STK33: variants seen among roughly 807,000 people sequenced by gnomAD.
STK33 encodes the protein serine/threonine-protein kinase 33.
STK33 carries 52 observed loss-of-function variants against 58.0 expected under a neutral mutation model. That is an observed-to-expected ratio of 0.90 (90% CI 0.72 to 1.13). The LOEUF is 1.13. Ranked by LOEUF, STK33 falls within the 50% of genes most tolerant of loss-of-function variation. The pLI is 0.00. For synonymous variants in STK33, 215 were observed against 200.1 expected (o/e 1.07, Z -0.63); for missense variants, 630 against 604.2 (o/e 1.04, Z -0.45).
intron 6 of STK33, chr11:8,466,638 G>C (rs1948216525): frequency 6.6e-6 from 1 of 152,256 alleles, no homozygotes; most frequent in African/African-American, 2.4e-5. Flanking sequence ...GGTGCAAGCT[G>C]TCGGTGGATC....
chr11:8,506,480 G>A (rs917829061), intron 1 of STK33, among the ~76,000 whole-genome samples: 9 of 152,126 alleles, frequency 5.9e-5, no homozygotes, highest in Non-Finnish European at 5.9e-5. Context: ...TAAAATCAAG[G>A]TGTCAGCGGG....
intron 1 of STK33, among the ~76,000 whole-genome samples, chr11:8,552,795 C>T (rs1269432591): frequency 6.6e-6 from 1 of 151,958 alleles, no homozygotes; most frequent in Non-Finnish European, 1.5e-5. Context: ...GAAGGACCTG[C>T]CTGAGGCTGC....
chr11:8,523,657 G>T (rs958277076), intron 1 of STK33, among the ~76,000 whole-genome samples: 3 of 151,278 alleles, frequency 2.0e-5, no homozygotes, highest in African/African-American at 4.9e-5. Context: ...CAGTCCGGGA[G>T]GTGGGGGGCA....
chr11:8,525,276 T>C (rs1258421096), intron 1 of STK33, among the ~76,000 whole-genome samples: 1 of 152,136 alleles, frequency 6.6e-6, no homozygotes, highest in East Asian at 1.9e-4. Flanking sequence ...AAAATGTATA[T>C]GGTAATGCAA....
chr11:8,504,169 CAT>C (rs1436174185), intron 1 of STK33, among the ~76,000 whole-genome samples: 1 of 152,156 alleles, frequency 6.6e-6, no homozygotes, highest in East Asian at 1.9e-4. Flanking sequence ...TTTAGCCAGA[CAT>C]AAGCCTGTCA....
At chr11:8,428,158 C>A (rs1006604284) in intron 14 of STK33, among the ~76,000 whole-genome samples, 1 of 152,192 alleles carries the variant, frequency 6.6e-6, no homozygotes, top group Admixed American at 6.5e-5. Context: ...AAAGTATCAG[C>A]CAGGAGTCCT....
At chr11:8,516,653 T>C in intron 1 of STK33, among the ~76,000 whole-genome samples, 1 of 152,214 alleles carries the variant, frequency 6.6e-6, no homozygotes, top group East Asian at 1.9e-4. Flanking sequence ...CTTTTCCAAA[T>C]GACCTTAGCA....
intron 15 of STK33, among the ~76,000 whole-genome samples, chr11:8,402,489 T>C (rs376493929): frequency 6.6e-6 from 1 of 152,108 alleles, no homozygotes; most frequent in Non-Finnish European, 1.5e-5. Context: ...CGAGGAGGGA[T>C]AGCATTAGGA....
chr11:8,450,395 G>A (rs1201804966), intron 11 of STK33, among the ~76,000 whole-genome samples: 5 of 152,022 alleles, frequency 3.3e-5, no homozygotes, highest in African/African-American at 4.8e-5. Flanking sequence ...ATCACACACC[G>A]GGGCCTGTTG....
At chr11:8,376,650 C>A in the STK33 span, among the ~76,000 whole-genome samples, 2 of 151,944 alleles carry the variant, frequency 1.3e-5, no homozygotes, top group African/African-American at 2.4e-5. Context: ...CAAGTGATTC[C>A]CCTGCCTCAG....
chr11:8,424,706 T>C (rs961624252), intron 14 of STK33, among the ~76,000 whole-genome samples: 8 of 147,036 alleles, frequency 5.4e-5, no homozygotes, highest in African/African-American at 2.1e-4. Flanking sequence ...TGGTATCTCA[T>C]TGTGGTTTTG....
chr11:8,483,405 G>C (rs541871344), intron 1 of STK33, among the ~76,000 whole-genome samples: 2 of 152,170 alleles, frequency 1.3e-5, no homozygotes, highest in African/African-American at 4.8e-5. Flanking sequence ...GGTTAAATAA[G>C]AGTATTTTCA....
At chr11:8,402,201 G>T (rs1260806574) in intron 15 of STK33, among the ~76,000 whole-genome samples, 1 of 152,266 alleles carries the variant, frequency 6.6e-6, no homozygotes, top group Non-Finnish European at 1.5e-5. Context: ...CAATAGCAAA[G>T]ACTTGGAACC....
chr11:8,421,618 T>C (rs565210059), intron 14 of STK33, among the ~76,000 whole-genome samples: 9 of 152,348 alleles, frequency 5.9e-5, no homozygotes, highest in Admixed American at 2.0e-4. Flanking sequence ...CCAGGAAAGT[T>C]TGTGAAATTT....
intron 1 of STK33, among the ~76,000 whole-genome samples, chr11:8,574,792 A>G (rs1017375395): frequency 6.6e-6 from 1 of 151,876 alleles, no homozygotes; most frequent in Non-Finnish European, 1.5e-5. Flanking sequence ...TAATCCCAAC[A>G]CTTTGGGGTG....
chr11:8,514,398 G>GA (rs1303890605), intron 1 of STK33, among the ~76,000 whole-genome samples: 1 of 152,020 alleles, frequency 6.6e-6, no homozygotes, highest in Non-Finnish European at 1.5e-5. Context: ...CTCTATGGGG[G>GA]AAAAAAATCT....
At chr11:8,375,013 A>G in the STK33 span, among the ~76,000 whole-genome samples, 1 of 152,216 alleles carries the variant, frequency 6.6e-6, no homozygotes, top group Non-Finnish European at 1.5e-5. Context: ...TCCATCTTGT[A>G]GCACAGACTA....
chr11:8,423,943 G>C (rs1161005506), intron 14 of STK33, among the ~76,000 whole-genome samples: 1 of 151,746 alleles, frequency 6.6e-6, no homozygotes, highest in East Asian at 1.9e-4. Flanking sequence ...TCCTTATAAA[G>C]TGACCTTCTC....
intron 1 of STK33, among the ~76,000 whole-genome samples, chr11:8,578,153 G>C (rs915710161): frequency 6.6e-6 from 1 of 152,074 alleles, no homozygotes; most frequent in Non-Finnish European, 1.5e-5. Context: ...CTGCTAATAG[G>C]AAAGCACTTA....
Sources: allele counts gnomAD v4.1 joint callset (sites outside exome capture counted in the v4.1 genomes callset), GRCh38; gene constraint gnomAD v4.1.1; transcripts MANE v1.5; gene names NCBI Gene and HGNC (gene_info 2026-07-23, HGNC 2026-07-21).